LAMA4: variants seen among roughly 807,000 people sequenced by gnomAD.
The protein encoded by LAMA4 is laminin subunit alpha 4.
LAMA4 carries 127 observed loss-of-function variants against 207.1 expected under a neutral mutation model. The observed-to-expected ratio is 0.61, with a 90% CI of 0.53 to 0.71. The LOEUF is 0.71. Among genes scored for constraint, LAMA4 ranks in the 30% least tolerant of loss-of-function variants. The pLI, the probability that LAMA4 is intolerant of heterozygous loss-of-function variation, is 0.00. For synonymous variants in LAMA4, 761 were observed against 816.0 expected (o/e 0.93, Z 1.15); for missense variants, 2,093 against 2,246.5 (o/e 0.93, Z 1.38).
At chr6:112,225,129 C>A (rs1200011492) in intron 2 of LAMA4, among the ~76,000 whole-genome samples, 1 of 151,832 alleles carries the variant, frequency 6.6e-6, no homozygotes, top group Non-Finnish European at 1.5e-5. Flanking sequence ...CAATTTTATC[C>A]TCCAGCTATA....
At chr6:112,116,491 C>A (rs1461130689) in intron 35 of LAMA4, among the ~76,000 whole-genome samples, 2 of 152,182 alleles carry the variant, frequency 1.3e-5, no homozygotes, top group African/African-American at 2.4e-5. Flanking sequence ...CTTTATTTTA[C>A]AGTCACTGAG....
At chr6:112,110,490 G>A (rs1777632591) in intron 38 of LAMA4, among the ~76,000 whole-genome samples, 1 of 152,184 alleles carries the variant, frequency 6.6e-6, no homozygotes, top group Non-Finnish European at 1.5e-5. Context: ...TGTAGGGTAA[G>A]AATATGCAGA....
intron 14 of LAMA4, chr6:112,158,051 AATG>A (rs1562674254): frequency 6.6e-6 from 1 of 152,392 alleles, no homozygotes; most frequent in Non-Finnish European, 1.5e-5. Context: ...CTTTCTCTAT[AATG>A]ATCTCATTAT....
chr6:112,197,692 T>G (rs1432071013), intron 5 of LAMA4, among the ~76,000 whole-genome samples: 2 of 152,202 alleles, frequency 1.3e-5, no homozygotes, highest in African/African-American at 4.8e-5. Context: ...CAAAATGATG[T>G]GGTAGAGACT....
At chr6:112,132,605 A>T (rs1376646973) in intron 28 of LAMA4, 148 bp downstream of exon 28, 1 of 721,684 alleles carries the variant, frequency 1.4e-6, no homozygotes, top group Non-Finnish European at 2.3e-6. Context: ...TATTTTATAA[A>T]GTGTTTGAAA....
At chr6:112,194,207 G>A (rs1214659399) in intron 5 of LAMA4, among the ~76,000 whole-genome samples, 1 of 152,178 alleles carries the variant, frequency 6.6e-6, no homozygotes, top group Non-Finnish European at 1.5e-5. Flanking sequence ...AGAATATTAG[G>A]CTCTTTGGCC....
At chr6:112,215,894 A>G (rs138895980) in intron 3 of LAMA4, among the ~76,000 whole-genome samples, 82 of 152,310 alleles carry the variant, frequency 5.4e-4, no homozygotes, top group African/African-American at 1.9e-3. Context: ...TTCATCAGCT[A>G]TTGGGTTCAA....
chr6:112,207,108 T>C lies in LAMA4; in HGVS notation c.335A>G (p.Lys112Arg), dbSNP rs370001919. 4 of 1,613,886 alleles carry C rather than the reference T, an allele frequency of 2.5e-6. No individual in the cohort carries two copies. The highest frequency in any genetic ancestry group is 2.7e-5 in the African/African-American group (2 of 74,908). The stretch of plus-strand genomic sequence containing the variant: ...ATCTCCGATATAACCATCCAGACAC[T>C]TTTCACAGTGCTCTCCTGTTGTGTT... ...QRNTTGEHCE[K>R]CLDGYIGDSI... The change falls in exon 4 of 39, where the codon AAG becomes AGG. Residue 112 changes from lysine (K) to arginine (R), a missense_variant. By Grantham distance (26) the Lys-to-Arg change is conservative. Transcript: ENST00000230538.
At position 112,185,317 on chromosome 6, in the gene LAMA4, C is replaced by T. The variant is rs576711704; in HGVS notation, c.997G>A (p.Ala333Thr). 5.6e-5 allele frequency: 90 copies of T among 1,612,562 alleles called. No homozygotes were observed. Among genetic ancestry groups the T allele is most frequent in the Middle Eastern group, 1.6e-4 (1 of 6,076 alleles). ...TTGTTGATTTGTATCTTTCTTAGGG[C>T]GTATTGGTTTTCTCTTTCTGACAAT... ...TKLSERENQYALRKIQINNAE... is the reference protein window; with the variant it reads ...TKLSERENQYTLRKIQINNAE... The change falls in exon 9 of 39, where the codon GCC becomes ACC. Residue 333 changes from alanine (A) to threonine (T), a missense_variant. Ala to Thr is a moderately conservative substitution (Grantham distance 58, BLOSUM62 0). Transcript: ENST00000230538.
At chr6:112,167,113 C>A (rs1554340223) in intron 12 of LAMA4, among the ~76,000 whole-genome samples, 1 of 152,204 alleles carries the variant, frequency 6.6e-6, no homozygotes, top group South Asian at 2.1e-4. Context: ...AGTTGTATGG[C>A]TACTGTTGGT....
chr6:112,202,976 T>A (rs782031927), intron 4 of LAMA4, among the ~76,000 whole-genome samples: 5 of 152,156 alleles, frequency 3.3e-5, no homozygotes, highest in Admixed American at 6.5e-5. Flanking sequence ...TTTCCATAGC[T>A]ACTGGTAGAG....
At chr6:112,120,216 G>T in intron 33 of LAMA4, 67 bp downstream of exon 33, 2 of 1,220,200 alleles carry the variant, frequency 1.6e-6, no homozygotes, top group Non-Finnish European at 2.4e-6. Context: ...AGTAATGGAG[G>T]CCCATTAGTG....
At chr6:112,132,507 C>G (rs180950953) in intron 28 of LAMA4, among the ~76,000 whole-genome samples, 41 of 152,082 alleles carry the variant, frequency 2.7e-4, no homozygotes, top group Non-Finnish European at 5.1e-4. Context: ...GCATTAAGTC[C>G]ACAGACCCCC....
chr6:112,144,797 G>A lies in LAMA4; in HGVS notation c.2490C>T (p.Ser830=). ...GATGAGTCTTTTCATCAGTTACCTT[G>A]CTGGCAACACTTCTGGTCTGAGCAA... ...ELIAQTRSVA[S]KIQVSMMFDG... is the part of the protein sequence containing the mutation. The change falls in exon 19 of 39, where the codon AGC becomes AGT. Residue 830 remains serine (S), a synonymous_variant. Transcript: ENST00000230538. 1 of 1,613,264 alleles carries A rather than the reference G, an allele frequency of 6.2e-7. No homozygotes were observed. Among genetic ancestry groups the A allele is most frequent in the Non-Finnish European group, 8.5e-7 (1 of 1,179,962 alleles).
chr6:112,180,052 A>G (rs1345103100), intron 9 of LAMA4: 11 of 388,120 alleles, frequency 2.8e-5, no homozygotes, highest in African/African-American at 2.4e-4. Context: ...ATACGGACAC[A>G]AGCATTTAAA....
chr6:112,183,632 T>G (rs548662787), intron 9 of LAMA4, among the ~76,000 whole-genome samples: 9 of 152,230 alleles, frequency 5.9e-5, no homozygotes, highest in African/African-American at 1.9e-4. Context: ...TTTCCTCAGA[T>G]GTTTTCTTGA....
chr6:112,130,535 T>C (rs1390065163), intron 29 of LAMA4, among the ~76,000 whole-genome samples: 1 of 152,056 alleles, frequency 6.6e-6, no homozygotes, highest in Non-Finnish European at 1.5e-5. Context: ...TTTCTTATTA[T>C]GAAAAATAAA....
Position 112,108,289 on chromosome 6 carries a change from A to T in LAMA4, c.*1148T>A, listed in dbSNP as rs144567444. Among the ~76,000 whole-genome samples, 1,046 of 151,962 alleles carry T rather than the reference A, an allele frequency of 6.9e-3. 3 individuals are homozygous for T. The highest frequency in any genetic ancestry group is 0.014 in the Middle Eastern group (4 of 294). ...TTTTTAGATATAATTCTTTTATTTC[A>T]TTTCTATATTTTAATATTCTACCAG... is the stretch of plus-strand genomic sequence containing the variant. On this transcript the variant is annotated 3_prime_UTR_variant, in exon 39 of 39. Transcript: ENST00000230538.
At chr6:112,181,462 T>A (rs1009970263) in intron 9 of LAMA4, among the ~76,000 whole-genome samples, 23 of 152,158 alleles carry the variant, frequency 1.5e-4, no homozygotes, top group African/African-American at 5.6e-4. Context: ...TGCCTTACAA[T>A]GAATCTTCCA....
Sources: allele counts gnomAD v4.1 joint callset (sites outside exome capture counted in the v4.1 genomes callset), GRCh38; gene constraint gnomAD v4.1.1; transcripts MANE v1.5; gene names NCBI Gene and HGNC (gene_info 2026-07-23, HGNC 2026-07-21).